MGAT4C: variants seen among roughly 807,000 people sequenced by gnomAD.
MGAT4C encodes MGAT4 family member C, also known as alpha-1,3-mannosyl-glycoprotein 4-beta-N-acetylglucosaminyltransferase C.
A neutral mutation model predicts 40.1 loss-of-function variants in MGAT4C; 19 were observed. The observed-to-expected ratio is 0.47, with a 90% confidence interval of 0.33 to 0.70. The LOEUF (loss-of-function observed/expected upper bound fraction) is 0.70, where lower values mean the gene tolerates loss of function less well. Ranked by LOEUF, MGAT4C falls within the 30% of genes least tolerant of loss-of-function variation. The probability of loss-of-function intolerance (pLI) is 0.02; values close to 1 mark genes in which losing one functional copy is unlikely to be tolerated. For missense variants in MGAT4C, 491 were observed against 563.2 expected, an observed-to-expected ratio of 0.87 and a Z score of 1.30; for synonymous variants, 181 against 187.1, an observed-to-expected ratio of 0.97 and a Z score of 0.27.
At chr12:86,834,921 G>A (rs1953005464) in intron 1 of MGAT4C, among the ~76,000 whole-genome samples, 3 of 151,958 alleles carry the variant, frequency 2.0e-5, no homozygotes. Flanking sequence ...GCTAGAATAT[G>A]CTAGATACTT....
chr12:86,282,882 C>T lies in MGAT4C; in HGVS notation c.-57+51183G>A, dbSNP rs541440447. Among the ~76,000 whole-genome samples the T allele has an allele frequency of 7.2e-5, 11 of 152,104 alleles. No individual in the cohort carries two copies. The South Asian group carries it at 2.3e-3, about 32-fold the overall frequency. On this transcript the variant is annotated intron_variant, in intron 4 of 7. Transcript: ENST00000548651. ...TTTCTGGACTCTTGATTAAATGATT[C>T]GGGTGTTTAGCAAAGCATTTTGTTA...
At chr12:86,661,861 C>T (rs1453530046) in intron 2 of MGAT4C, among the ~76,000 whole-genome samples, 1 of 152,100 alleles carries the variant, frequency 6.6e-6, no homozygotes, top group Non-Finnish European at 1.5e-5. Flanking sequence ...ATTGCTTGAA[C>T]CTGGGAGGTG....
At chr12:86,175,403 A>G (rs1455665560) in intron 1 of MGAT4C, among the ~76,000 whole-genome samples, 3 of 152,088 alleles carry the variant, frequency 2.0e-5, no homozygotes, top group African/African-American at 7.2e-5. Context: ...AAATCCACTC[A>G]ATCCTCTATC....
intron 2 of MGAT4C, among the ~76,000 whole-genome samples, chr12:86,565,151 G>A (rs1334476435): frequency 6.6e-6 from 1 of 152,140 alleles, no homozygotes; most frequent in African/African-American, 2.4e-5. Context: ...TTAAGTGGGT[G>A]CTTTCTGTCC....
intron 1 of MGAT4C, among the ~76,000 whole-genome samples, chr12:86,776,284 T>C (rs2136176481): frequency 6.6e-6 from 1 of 152,184 alleles, no homozygotes; most frequent in South Asian, 2.1e-4. Context: ...GTTTTGAATA[T>C]ATTGCATTTG....
intron 1 of MGAT4C, among the ~76,000 whole-genome samples, chr12:86,167,714 A>G (rs1254554314): frequency 6.6e-6 from 1 of 152,176 alleles, no homozygotes; most frequent in Non-Finnish European, 1.5e-5. Flanking sequence ...ATATTAATCG[A>G]TTCATAAAGG....
intron 1 of MGAT4C, among the ~76,000 whole-genome samples, chr12:86,224,162 A>T (rs1030878034): frequency 6.6e-6 from 1 of 152,194 alleles, no homozygotes; most frequent in Non-Finnish European, 1.5e-5. Flanking sequence ...GGGTCTGAAG[A>T]CTGCCCATCT....
rs562225136 is a variant in MGAT4C at position 86,286,182 on chromosome 12, T to TTAATAATA, written c.-57+47882_-57+47883insTATTATTA. On this transcript the variant is annotated intron_variant, in intron 4 of 7. Coordinates refer to the MGAT4C transcript ENST00000548651. Reference sequence around the variant, plus strand: ...AGGAAACTAGCCTTGATTATTATATTTAGTGAGTTGGAGACAGGATGTGAC... The same window carrying TTAATAATA: ...AGGAAACTAGCCTTGATTATTATATTTAATAATATAGTGAGTTGGAGACAGGATGTGAC... Among the ~76,000 whole-genome samples, 843 of 152,224 alleles carry TTAATAATA rather than the reference T, an allele frequency of 5.5e-3. 12 individuals carry two copies. The highest frequency in any genetic ancestry group is 0.019 in the African/African-American group (788 of 41,542).
chr12:86,498,489 A>G (rs1318163499), intron 2 of MGAT4C, among the ~76,000 whole-genome samples: 1 of 151,936 alleles, frequency 6.6e-6, no homozygotes, highest in African/African-American at 2.4e-5. Context: ...ATCATTTAGT[A>G]CCATCAAATA....
chr12:86,353,065 A>T lies in MGAT4C; in HGVS notation c.-119-18938T>A, dbSNP rs558753902. 2.7e-3 allele frequency among the ~76,000 whole-genome samples: 396 copies of T among 148,520 alleles called. 1 individual carries two copies. The highest frequency in any genetic ancestry group is 4.6e-3 in the Non-Finnish European group (305 of 66,584). On this transcript the variant is annotated intron_variant, in intron 3 of 7. Transcript: ENST00000548651. The stretch of plus-strand genomic sequence containing the variant: ...TAAATAAATAAATAAAATAAATTAT[A>T]AAAAAAAAGAAAGAGATCCAGAATC...
chr12:86,482,612 A>G (rs1957955994), intron 2 of MGAT4C, among the ~76,000 whole-genome samples: 1 of 152,106 alleles, frequency 6.6e-6, no homozygotes, highest in South Asian at 2.1e-4. Flanking sequence ...TATTACAAAT[A>G]TACTGTTTTC....
At chr12:86,463,184 AT>A (rs1223338273) in intron 2 of MGAT4C, among the ~76,000 whole-genome samples, 1 of 152,250 alleles carries the variant, frequency 6.6e-6, no homozygotes, top group South Asian at 2.1e-4. Context: ...TAACTCATAC[AT>A]TTGCTATATC....
intron 2 of MGAT4C, among the ~76,000 whole-genome samples, chr12:86,588,316 A>T (rs1389897010): frequency 1.3e-5 from 2 of 152,034 alleles, no homozygotes; most frequent in Non-Finnish European, 2.9e-5. Context: ...AGGCCATTAC[A>T]TAATGGTAAA....
intron 3 of MGAT4C, 59 bp downstream of exon 3, chr12:85,989,341 A>T: frequency 6.9e-7 from 1 of 1,447,882 alleles, no homozygotes; most frequent in East Asian, 2.4e-5. Flanking sequence ...CAATGGGACT[A>T]ATTCTTGTTT....
intron 1 of MGAT4C, among the ~76,000 whole-genome samples, chr12:86,240,096 G>A (rs1443220217): frequency 3.3e-5 from 5 of 150,768 alleles, no homozygotes; most frequent in Non-Finnish European, 7.4e-5. Flanking sequence ...CTAATGTGCA[G>A]AAAGCAATTA....
At chr12:86,809,340 C>A (rs1387168450) in intron 1 of MGAT4C, among the ~76,000 whole-genome samples, 3 of 152,096 alleles carry the variant, frequency 2.0e-5, no homozygotes, top group African/African-American at 7.2e-5. Flanking sequence ...CCAGTTTGAG[C>A]TCTAATGATA....
chr12:86,493,090 CAAT>C (rs1435395112), intron 2 of MGAT4C, among the ~76,000 whole-genome samples: 1 of 150,644 alleles, frequency 6.6e-6, no homozygotes, highest in Non-Finnish European at 1.5e-5. Flanking sequence ...ATCAAAACCA[CAAT>C]GAGATACCAT....
At chr12:86,351,588 TA>T (rs1955163154) in intron 3 of MGAT4C, among the ~76,000 whole-genome samples, 1 of 152,038 alleles carries the variant, frequency 6.6e-6, no homozygotes, top group Admixed American at 6.6e-5. Flanking sequence ...AAACTATAAA[TA>T]TTTTTTCTTT....
At chr12:86,373,262 T>A (rs1181396676) in intron 3 of MGAT4C, among the ~76,000 whole-genome samples, 2 of 151,940 alleles carry the variant, frequency 1.3e-5, no homozygotes, top group African/African-American at 4.8e-5. Flanking sequence ...ATTTTTACTG[T>A]AACATTTCAA....
Sources: allele counts gnomAD v4.1 joint callset (sites outside exome capture counted in the v4.1 genomes callset), GRCh38; gene constraint gnomAD v4.1.1; transcripts MANE v1.5; gene names NCBI Gene and HGNC (gene_info 2026-07-23, HGNC 2026-07-21).